The following TRPC5 variants were observed in gnomAD, a reference collection of about 807,000 sequenced individuals.
TRPC5 encodes the protein short transient receptor potential channel 5.
In TRPC5, 9 loss-of-function variants were observed where a neutral mutation model predicts 56.5. The observed-to-expected ratio is 0.16, with a 90% CI of 0.10 to 0.28. TRPC5 has a LOEUF of 0.28. Ranked by LOEUF, TRPC5 falls within the 10% of genes least tolerant of loss-of-function variation. TRPC5 has a pLI of 1.00. For missense variants in TRPC5, 469 were observed against 748.9 expected (o/e 0.63, Z 4.36); for synonymous variants, 282 against 278.5 (o/e 1.01, Z -0.13).
At chrX:111,841,671 A>G (rs916718740) in intron 6 of TRPC5, among the ~76,000 whole-genome samples, 2 of 111,580 alleles carry the variant, frequency 1.8e-5, no homozygotes, top group African/African-American at 6.5e-5. Context: ...TGAATGTCTA[A>G]TTGTACATAG....
chrX:111,776,785 A>C lies in TRPC5; in HGVS notation c.2450T>G (p.Met817Arg). 1.7e-6 allele frequency: 2 copies of C among 1,208,539 alleles called. No individual in the cohort carries two copies. Among genetic ancestry groups the C allele is most frequent in the Non-Finnish European group, 2.2e-6 (2 of 893,929 alleles). ...TCHGPPLIRT[M>R]PRSSGAQGKS... ...TCCTTGGGCACCACTGGACCTTGGC[A>C]TGGTTCTGATGAGAGGTGGCCCATG... Residue 817 changes from methionine to arginine, a missense_variant, in exon 11 of 11, where the codon ATG becomes AGG. Around this residue, in one of 3 missense-constraint regions of TRPC5, gnomAD observed 194 missense variants for 221.8 expected, o/e 0.87. Coordinates refer to ENST00000262839, the MANE Select transcript of TRPC5 (RefSeq NM_012471.3).
In TRPC5 at chrX:112,049,347, C is replaced by A. The variant is rs17307739; in HGVS notation, c.-22+32532G>T. ...CCTGCCCTCCATATTCATCTGGAAGCACCACCAACTGCATGGGGCACCAAG... is the reference window on the plus strand; with the variant it reads ...CCTGCCCTCCATATTCATCTGGAAGAACCACCAACTGCATGGGGCACCAAG... On this transcript the variant is annotated intron_variant, in intron 1 of 10. Coordinates refer to ENST00000262839, the MANE Select transcript of TRPC5 (RefSeq NM_012471.3). Among the ~76,000 whole-genome samples, 518 of 108,670 alleles carry A rather than the reference C, an allele frequency of 4.8e-3. 3 individuals are homozygous for A. The highest frequency in any genetic ancestry group is 6.3e-3 in the Non-Finnish European group (331 of 52,541). 94.4% of individuals were successfully genotyped at this position (108,670 alleles called of 115,157 possible).
At chrX:111,861,607 T>C (rs1923407272) in intron 3 of TRPC5, among the ~76,000 whole-genome samples, 1 of 110,356 alleles carries the variant, frequency 9.1e-6, no homozygotes. Flanking sequence ...AACCTGTTAA[T>C]TTTTTTTTGT....
intron 1 of TRPC5, among the ~76,000 whole-genome samples, chrX:112,021,676 T>C (rs1013382051): frequency 8.9e-6 from 1 of 112,307 alleles, no homozygotes; most frequent in African/African-American, 3.2e-5. Flanking sequence ...AAGGAAATAA[T>C]AGACATTGAA....
At chrX:111,993,714 CTGTT>C (rs2148657029) in intron 1 of TRPC5, among the ~76,000 whole-genome samples, 1 of 112,289 alleles carries the variant, frequency 8.9e-6, no homozygotes, top group East Asian at 2.8e-4. Context: ...TGAAAAGTGT[CTGTT>C]TGTATCCTTT....
At chrX:111,789,906 A>T (rs1417484356) in intron 7 of TRPC5, among the ~76,000 whole-genome samples, 1 of 112,265 alleles carries the variant, frequency 8.9e-6, no homozygotes, top group Non-Finnish European at 1.9e-5. Flanking sequence ...AAGTCAGGAA[A>T]CAGTAGATGC....
intron 7 of TRPC5, among the ~76,000 whole-genome samples, chrX:111,825,228 T>TC (rs1922192630): frequency 1.3e-5 from 1 of 76,085 alleles, no homozygotes; most frequent in African/African-American, 6.5e-5. Context: ...TCTTCTTTCT[T>TC]TCTCTCTCTC....
chrX:111,807,914 G>A (rs1407974066), intron 7 of TRPC5, among the ~76,000 whole-genome samples: 1 of 108,708 alleles, frequency 9.2e-6, no homozygotes, highest in Admixed American at 9.8e-5. Flanking sequence ...GTTGTCTTCC[G>A]TTATTTTCTC....
chrX:112,066,217 T>C (rs963448008), intron 1 of TRPC5, among the ~76,000 whole-genome samples: 1 of 110,423 alleles, frequency 9.1e-6, no homozygotes, highest in Admixed American at 9.8e-5. Context: ...CACAGAATCA[T>C]CTACAGTTCT....
chrX:112,001,043 C>T (rs1928682867), intron 1 of TRPC5, among the ~76,000 whole-genome samples: 1 of 112,385 alleles, frequency 8.9e-6, no homozygotes, highest in Non-Finnish European at 1.9e-5. Context: ...CCAAATCTTT[C>T]TGTGCCCAGG....
chrX:111,868,975 A>G (rs1335781329), intron 3 of TRPC5, among the ~76,000 whole-genome samples: 3 of 110,991 alleles, frequency 2.7e-5, no homozygotes, highest in Non-Finnish European at 5.7e-5. Flanking sequence ...CCTCAAGAGA[A>G]TGAGTTTTGT....
In TRPC5 at chrX:111,985,700, C is replaced by T. The variant is rs758017249; in HGVS notation, c.-21-33259G>A. On this transcript the variant is annotated intron_variant, in intron 1 of 10. Coordinates refer to ENST00000262839, the MANE Select transcript of TRPC5 (RefSeq NM_012471.3). ...TCACTTTACCTAGAAATTTTCTGCT[C>T]ATCCAGATTAAGTAAGAATTTAGTA... 1.2e-4 allele frequency among the ~76,000 whole-genome samples: 13 copies of T among 111,971 alleles called. No individual in the cohort carries two copies. The East Asian group carries it at 3.1e-3, about 27-fold the overall frequency.
At chrX:111,824,582 T>C (rs940055132) in intron 7 of TRPC5, among the ~76,000 whole-genome samples, 1 of 111,383 alleles carries the variant, frequency 9.0e-6, no homozygotes, top group Admixed American at 9.6e-5. Context: ...AGGAGGGGCC[T>C]GGGGCTTTTC....
intron 7 of TRPC5, among the ~76,000 whole-genome samples, chrX:111,825,189 T>C (rs1300148297): frequency 4.5e-5 from 4 of 89,503 alleles, no homozygotes; most frequent in African/African-American, 1.9e-4. Flanking sequence ...CTTTCTTTCT[T>C]TCTTTCTTTC....
At chrX:112,064,085 G>A (rs1930523146) in intron 1 of TRPC5, among the ~76,000 whole-genome samples, 1 of 112,344 alleles carries the variant, frequency 8.9e-6, no homozygotes, top group African/African-American at 3.2e-5. Context: ...TCATATATAG[G>A]AAAGTAAACG....
chrX:111,891,692 C>T (rs1924816234), intron 3 of TRPC5, among the ~76,000 whole-genome samples: 1 of 110,843 alleles, frequency 9.0e-6, no homozygotes, highest in African/African-American at 3.3e-5. Flanking sequence ...AGGCACCCAC[C>T]ACAACGCCCA....
chrX:111,878,095 G>T (rs1924041066), intron 3 of TRPC5, among the ~76,000 whole-genome samples: 3 of 110,525 alleles, frequency 2.7e-5, no homozygotes, highest in Non-Finnish European at 5.7e-5. Context: ...GGAAAGAGTA[G>T]TAGCCTCCTT....
chrX:111,792,888 C>A (rs1000058023), intron 7 of TRPC5, among the ~76,000 whole-genome samples: 18 of 111,790 alleles, frequency 1.6e-4, no homozygotes, highest in Non-Finnish European at 3.4e-4. Context: ...ATGTTTGATA[C>A]CCAGATCATC....
intron 5 of TRPC5, among the ~76,000 whole-genome samples, chrX:111,849,614 C>G (rs1427892956): frequency 8.9e-6 from 1 of 112,248 alleles, no homozygotes; most frequent in African/African-American, 3.2e-5. Context: ...CTCATAGCTA[C>G]TGTGGGAGCC....
Sources: allele counts gnomAD v4.1 joint callset (sites outside exome capture counted in the v4.1 genomes callset), GRCh38; gene constraint gnomAD v4.1.1; regional missense constraint gnomAD v4.1.1; transcripts MANE v1.5; gene names NCBI Gene and HGNC (gene_info 2026-07-23, HGNC 2026-07-21).